ANKRD55: variants seen among roughly 807,000 people sequenced by gnomAD.
ANKRD55 encodes the protein ankyrin repeat domain-containing protein 55.
A neutral mutation model predicts 60.6 loss-of-function variants in ANKRD55; 41 were observed. The observed-to-expected ratio is 0.68, with a 90% CI of 0.53 to 0.88. The LOEUF is 0.88. Ranked by LOEUF, ANKRD55 falls within the 40% of genes least tolerant of loss-of-function variation. ANKRD55 has a pLI of 0.00. For missense variants in ANKRD55, 732 were observed against 767.6 expected, an observed-to-expected ratio of 0.95 and a Z score of 0.55; for synonymous variants, 264 against 290.3, an observed-to-expected ratio of 0.91 and a Z score of 0.92.
At chr5:56,132,281 A>G (rs1358303925) in intron 7 of ANKRD55, among the ~76,000 whole-genome samples, 1 of 152,092 alleles carries the variant, frequency 6.6e-6, no homozygotes, top group Non-Finnish European at 1.5e-5. Context: ...GAATAATACA[A>G]AATGCTAATT....
At chr5:56,166,154 C>CTTTCTTCT (rs11283204) in intron 5 of ANKRD55, among the ~76,000 whole-genome samples, 882 of 71,312 alleles carry the variant, frequency 0.012, 22 homozygotes, top group African/African-American at 0.037. Flanking sequence ...TTCTTTCTTT[C>CTTTCTTCT]TTCTTTCCTT....
chr5:56,222,665 G>T (rs1171154859), intron 2 of ANKRD55, among the ~76,000 whole-genome samples: 2 of 152,204 alleles, frequency 1.3e-5, no homozygotes, highest in African/African-American at 4.8e-5. Flanking sequence ...TAAATGACTT[G>T]ATGGAGCTGA....
intron 2 of ANKRD55, among the ~76,000 whole-genome samples, chr5:56,228,737 C>T (rs1760177512): frequency 6.6e-6 from 1 of 152,138 alleles, no homozygotes; most frequent in Non-Finnish European, 1.5e-5. Context: ...CTGCTGACAT[C>T]TTGATTTCAG....
intron 6 of ANKRD55, among the ~76,000 whole-genome samples, chr5:56,159,561 G>C (rs1045478198): frequency 2.6e-5 from 4 of 152,184 alleles, no homozygotes; most frequent in African/African-American, 9.7e-5. Context: ...TCAATGTCCA[G>C]AGGGAAGTTA....
At chr5:56,232,824 C>G (rs746476194) in intron 2 of ANKRD55, 32 bp downstream of exon 2, 6 of 1,607,046 alleles carry the variant, frequency 3.7e-6, no homozygotes. Flanking sequence ...AGGATGCTAA[C>G]AACCAAAGAA....
chr5:56,176,932 G>A (rs1184962629), intron 3 of ANKRD55, among the ~76,000 whole-genome samples: 1 of 152,182 alleles, frequency 6.6e-6, no homozygotes, highest in African/African-American at 2.4e-5. Context: ...TTCAGGTGAA[G>A]AACTCAAACC....
intron 2 of ANKRD55, among the ~76,000 whole-genome samples, chr5:56,231,503 G>A (rs1760250802): frequency 6.6e-6 from 1 of 152,064 alleles, no homozygotes; most frequent in Non-Finnish European, 1.5e-5. Flanking sequence ...GAGCTCTTTG[G>A]TTCTTAGCAG....
chr5:56,232,952 G>C lies in ANKRD55; in HGVS notation c.-33-6C>G, dbSNP rs1485093832. 6.3e-7 allele frequency: 1 copy of C among 1,599,226 alleles called. No homozygotes were observed. Among genetic ancestry groups the C allele is most frequent in the East Asian group, 2.2e-5 (1 of 44,780 alleles). On this transcript the variant is annotated splice_polypyrimidine_tract_variant and splice_region_variant and intron_variant, in intron 1 of 11. Transcript: ENST00000341048. ...GGCAAAAAGCATCCAGGTCTCTAGA[G>C]AGGAGAAAACACCATCTCAAACCTT...
chr5:56,192,666 AT>A (rs1432028675), intron 2 of ANKRD55: 1 of 1,131,146 alleles, frequency 8.8e-7, no homozygotes, highest in Non-Finnish European at 1.3e-6. Flanking sequence ...ACCCAGACTA[AT>A]GTTCTTCATA....
chr5:56,201,945 C>G (rs1759391445), intron 2 of ANKRD55, among the ~76,000 whole-genome samples: 1 of 152,152 alleles, frequency 6.6e-6, no homozygotes, highest in African/African-American at 2.4e-5. Flanking sequence ...ACATATGCAC[C>G]ATGGAATACT....
intron 8 of ANKRD55, among the ~76,000 whole-genome samples, chr5:56,123,844 T>C (rs951802788): frequency 6.6e-6 from 1 of 152,152 alleles, no homozygotes; most frequent in Non-Finnish European, 1.5e-5. Context: ...TAATTTCAAG[T>C]TGTCTAAACT....
At chr5:56,144,017 G>T in intron 6 of ANKRD55, 88 bp from the exon 7 acceptor site, 2 of 1,553,142 alleles carry the variant, frequency 1.3e-6, no homozygotes, top group Non-Finnish European at 1.8e-6. Context: ...AGGCCTGGGG[G>T]CCATCACCAG....
At chr5:56,145,416 A>C (rs538270974) in intron 6 of ANKRD55, among the ~76,000 whole-genome samples, 178 of 152,346 alleles carry the variant, frequency 1.2e-3, no homozygotes, top group Non-Finnish European at 2.2e-3. Flanking sequence ...TATCAACAGA[A>C]TGCAGAGGAG....
At chr5:56,125,299 CAG>C (rs1456753238) in intron 8 of ANKRD55, among the ~76,000 whole-genome samples, 2 of 150,076 alleles carry the variant, frequency 1.3e-5, no homozygotes, top group African/African-American at 2.5e-5. Flanking sequence ...TTTTTTCAGA[CAG>C]AGTCTTGCTT....
rs563144072 is a variant in ANKRD55, at chr5:56,225,298, A to C, written c.58+7558T>G. ...AAATTCAACAGCCCTTCATGTTAAA[A>C]ACTCTCGATAAATTAGGTATTGATG... On this transcript the variant is annotated intron_variant, in intron 2 of 11. Transcript: ENST00000341048. Among the ~76,000 whole-genome samples, 142 of 152,336 alleles carry C rather than the reference A, an allele frequency of 9.3e-4. 3 individuals carry two copies. The Middle Eastern group carries it at 0.027, about 29-fold the overall frequency.
At chr5:56,150,262 TATTAC>T (rs1758006642) in intron 6 of ANKRD55, among the ~76,000 whole-genome samples, 1 of 152,346 alleles carries the variant, frequency 6.6e-6, no homozygotes, top group African/African-American at 2.4e-5. Flanking sequence ...GGTACAGTGC[TATTAC>T]ATTAGTGATT....
At chr5:56,146,791 C>T (rs1017661593) in intron 6 of ANKRD55, 18 of 152,148 alleles carry the variant, frequency 1.2e-4, no homozygotes, top group Non-Finnish European at 2.2e-4. Flanking sequence ...CTAACCAGGC[C>T]TAACCCTGCT....
intron 8 of ANKRD55, among the ~76,000 whole-genome samples, chr5:56,120,305 G>A (rs564999411): frequency 1.5e-4 from 23 of 152,170 alleles, no homozygotes; most frequent in African/African-American, 5.5e-4. Flanking sequence ...GGAATTACAG[G>A]CGTGAGCCAC....
intron 2 of ANKRD55, among the ~76,000 whole-genome samples, chr5:56,210,818 G>A (rs1439429369): frequency 6.6e-6 from 1 of 152,076 alleles, no homozygotes; most frequent in Non-Finnish European, 1.5e-5. Context: ...ATATTGAATT[G>A]TACTTAATAT....
Sources: allele counts gnomAD v4.1 joint callset (sites outside exome capture counted in the v4.1 genomes callset), GRCh38; gene constraint gnomAD v4.1.1; transcripts MANE v1.5; gene names NCBI Gene and HGNC (gene_info 2026-07-23, HGNC 2026-07-21).